CHST11: variants seen among roughly 807,000 people sequenced by gnomAD.
CHST11 encodes the protein carbohydrate sulfotransferase 11.
In CHST11, 9 loss-of-function variants were observed where a neutral mutation model predicts 30.4. The ratio of observed to expected loss-of-function variants is 0.30; its 90% CI spans 0.18 to 0.52. The LOEUF (loss-of-function observed/expected upper bound fraction) is 0.52, where lower values mean the gene tolerates loss of function less well. Among genes scored for constraint, CHST11 ranks in the 20% least tolerant of loss-of-function variants. The pLI is 0.97. For missense variants in CHST11, 348 were observed against 460.6 expected (o/e 0.76, Z 2.24); for synonymous variants, 152 against 187.8 (o/e 0.81, Z 1.56).
At chr12:104,533,017 C>T (rs1004915911) in intron 1 of CHST11, among the ~76,000 whole-genome samples, 4 of 152,170 alleles carry the variant, frequency 2.6e-5, no homozygotes, top group Non-Finnish European at 5.9e-5. Flanking sequence ...CTCAAGCAAA[C>T]CTCCTGCCTC....
chr12:104,595,558 G>A (rs1293363936), intron 1 of CHST11, among the ~76,000 whole-genome samples: 11 of 152,196 alleles, frequency 7.2e-5, no homozygotes, highest in African/African-American at 9.7e-5. Flanking sequence ...CGATCACCTG[G>A]TTGAACCTCT....
intron 2 of CHST11, among the ~76,000 whole-genome samples, chr12:104,689,898 T>C (rs1460986820): frequency 6.6e-6 from 1 of 152,128 alleles, no homozygotes; most frequent in Non-Finnish European, 1.5e-5. Context: ...CCCTTTCCTC[T>C]TTCACAAAAT....
At chr12:104,484,606 GTAAGTGTT>G (rs1159945354) in intron 1 of CHST11, among the ~76,000 whole-genome samples, 1 of 152,216 alleles carries the variant, frequency 6.6e-6, no homozygotes, top group Non-Finnish European at 1.5e-5. Context: ...CTAATGCAGG[GTAAGTGTT>G]TGGCACAGCC....
At chr12:104,564,968 C>T (rs569478845) in intron 1 of CHST11, among the ~76,000 whole-genome samples, 4 of 152,186 alleles carry the variant, frequency 2.6e-5, no homozygotes, top group African/African-American at 9.6e-5. Flanking sequence ...GAAAAACCCA[C>T]CCCCTTGATT....
At chr12:104,702,714 C>G (rs919847832) in intron 2 of CHST11, among the ~76,000 whole-genome samples, 2 of 152,194 alleles carry the variant, frequency 1.3e-5, no homozygotes, top group Non-Finnish European at 2.9e-5. Flanking sequence ...CACCCTGCCC[C>G]CAGCAGTCTC....
chr12:104,607,889 G>C (rs141321864), intron 2 of CHST11, among the ~76,000 whole-genome samples: 1 of 152,124 alleles, frequency 6.6e-6, no homozygotes, highest in Non-Finnish European at 1.5e-5. Context: ...TCCTTTGGCC[G>C]CTTGCTAACT....
intron 1 of CHST11, among the ~76,000 whole-genome samples, chr12:104,535,778 G>A (rs2038230838): frequency 6.6e-6 from 1 of 152,192 alleles, no homozygotes. Flanking sequence ...TTCCTAAACA[G>A]TATCATGTAT....
At chr12:104,705,353 T>C (rs1323504273) in intron 2 of CHST11, among the ~76,000 whole-genome samples, 1 of 152,186 alleles carries the variant, frequency 6.6e-6, no homozygotes, top group African/African-American at 2.4e-5. Context: ...ATGGGAATGA[T>C]AGTAACCACT....
At chr12:104,588,745 C>T (rs1021214915) in intron 1 of CHST11, 2 of 152,550 alleles carry the variant, frequency 1.3e-5, no homozygotes, top group African/African-American at 4.8e-5. Context: ...ACTTGGAGGC[C>T]ACCAGCCAAC....
At chr12:104,744,955 C>T (rs748105157) in intron 2 of CHST11, among the ~76,000 whole-genome samples, 63 of 152,008 alleles carry the variant, frequency 4.1e-4, no homozygotes, top group Non-Finnish European at 7.8e-4. Flanking sequence ...CTCACTGCAA[C>T]CTCCGCCTCC....
intron 1 of CHST11, among the ~76,000 whole-genome samples, chr12:104,471,263 C>G (rs190262113): frequency 2.6e-5 from 4 of 152,324 alleles, no homozygotes; most frequent in Admixed American, 1.3e-4. Flanking sequence ...ATCCCAACAT[C>G]TCCAATAGAG....
intron 2 of CHST11, among the ~76,000 whole-genome samples, chr12:104,753,600 C>T (rs1019081187): frequency 6.6e-6 from 1 of 152,192 alleles, no homozygotes; most frequent in Non-Finnish European, 1.5e-5. Flanking sequence ...GTGGCAAAAT[C>T]TCAGCAAGAC....
intron 1 of CHST11, among the ~76,000 whole-genome samples, chr12:104,588,143 A>G (rs569174815): frequency 6.6e-6 from 1 of 150,984 alleles, no homozygotes; most frequent in African/African-American, 2.4e-5. Flanking sequence ...GTAGAATTCA[A>G]TGAATTTTAG....
At chr12:104,667,861 C>G (rs1323540486) in intron 2 of CHST11, among the ~76,000 whole-genome samples, 1 of 152,228 alleles carries the variant, frequency 6.6e-6, no homozygotes, top group Non-Finnish European at 1.5e-5. Context: ...CTTAGACACC[C>G]AGACCCACGG....
At chr12:104,687,678 A>G (rs891873064) in intron 2 of CHST11, among the ~76,000 whole-genome samples, 28 of 152,168 alleles carry the variant, frequency 1.8e-4, no homozygotes, top group African/African-American at 6.5e-4. Context: ...ACGAGTTGAA[A>G]TGAGAAGATA....
chr12:104,723,750 G>T (rs1056312393), intron 2 of CHST11, among the ~76,000 whole-genome samples: 6 of 152,216 alleles, frequency 3.9e-5, no homozygotes, highest in Non-Finnish European at 8.8e-5. Flanking sequence ...GGGCTCTGTC[G>T]TATCACTTTA....
intron 2 of CHST11, among the ~76,000 whole-genome samples, chr12:104,743,132 T>TACA (rs1040232937): frequency 2.0e-5 from 3 of 152,226 alleles, no homozygotes; most frequent in Admixed American, 1.3e-4. Context: ...GCACTGGGAA[T>TACA]ACAACAGTGA....
intron 1 of CHST11, among the ~76,000 whole-genome samples, chr12:104,471,217 C>G (rs1023205607): frequency 6.6e-6 from 1 of 152,190 alleles, no homozygotes; most frequent in Non-Finnish European, 1.5e-5. Flanking sequence ...TACATTGACT[C>G]CTTCAGGGAA....
At chr12:104,506,271 G>T (rs1263510782) in intron 1 of CHST11, among the ~76,000 whole-genome samples, 4 of 152,226 alleles carry the variant, frequency 2.6e-5, no homozygotes, top group African/African-American at 9.6e-5. Context: ...TGAGTTTTGA[G>T]TATGGGATTG....
Sources: gnomAD v4.1 joint callset for allele counts (sites outside exome capture counted in the v4.1 genomes callset) on GRCh38, gnomAD v4.1.1 for gene constraint, MANE v1.5 for transcripts, NCBI Gene and HGNC (gene_info 2026-07-23, HGNC 2026-07-21) for gene names.